Variants in PRKCI observed in about 807,000 individuals in gnomAD.
PRKCI encodes protein kinase C iota.
In PRKCI, 43 loss-of-function variants were observed where a neutral mutation model predicts 84.0. That is an observed-to-expected ratio of 0.51 (90% CI 0.40 to 0.66). The LOEUF (loss-of-function observed/expected upper bound fraction) is 0.66, where lower values mean the gene tolerates loss of function less well. Ranked by LOEUF, PRKCI falls within the 30% of genes least tolerant of loss-of-function variation. The pLI, the probability that PRKCI is intolerant of heterozygous loss-of-function variation, is 0.00. For missense variants in PRKCI, 459 were observed against 745.6 expected (o/e 0.62, Z 4.48); for synonymous variants, 216 against 234.4 (o/e 0.92, Z 0.72).
In PRKCI at chr3:170,303,021, T is replaced by C; in HGVS notation, c.1704-19T>C. On this transcript the variant is annotated intron_variant, in intron 17 of 17. Coordinates refer to ENST00000295797, the MANE Select transcript of PRKCI (RefSeq NM_002740.6). ...AAATCTTGATTATGATGAAAATAAATTTATTTTTCTTTCAACAGTGACATT... is the reference window on the plus strand; with the variant it reads ...AAATCTTGATTATGATGAAAATAAACTTATTTTTCTTTCAACAGTGACATT... The C allele has an allele frequency of 6.5e-7, 1 of 1,543,580 alleles. No homozygotes were observed. The highest frequency in any genetic ancestry group is 1.2e-5 in the South Asian group (1 of 85,690).
intron 17 of PRKCI, among the ~76,000 whole-genome samples, chr3:170,299,820 A>T (rs984950334): frequency 2.0e-5 from 3 of 152,200 alleles, no homozygotes; most frequent in African/African-American, 7.2e-5. Context: ...CCATTTGACA[A>T]GGACTGTCTT....
intron 11 of PRKCI, among the ~76,000 whole-genome samples, chr3:170,284,045 G>A (rs895160440): frequency 1.3e-5 from 2 of 151,092 alleles, no homozygotes; most frequent in South Asian, 2.1e-4. Flanking sequence ...TTCTATTCTC[G>A]ACCCCATTAG....
At chr3:170,265,072 C>G (rs1410542115) in intron 4 of PRKCI, among the ~76,000 whole-genome samples, 1 of 152,014 alleles carries the variant, frequency 6.6e-6, no homozygotes, top group African/African-American at 2.4e-5. Flanking sequence ...ACCTGTAATC[C>G]TAGCTACCTG....
At chr3:170,271,161 A>G (rs1033409683) in intron 6 of PRKCI, among the ~76,000 whole-genome samples, 2 of 152,190 alleles carry the variant, frequency 1.3e-5, no homozygotes, top group East Asian at 3.8e-4. Context: ...GTGCAAATTT[A>G]TATGCATAAA....
At position 170,256,012 on chromosome 3, in the gene PRKCI, G is replaced by A. The variant is rs373389489; in HGVS notation, c.224-3957G>A. Among the ~76,000 whole-genome samples, 78 of 152,196 alleles carry A rather than the reference G, an allele frequency of 5.1e-4. No individual in the cohort carries two copies. In the South Asian group the frequency reaches 0.016, roughly 31 times the overall value. Reference sequence around the variant, plus strand: ...GATTTGCATGTGTTGAACCATCCTTGCATCCCTGGAACAAATTCCAGTTGG... The same window carrying A: ...GATTTGCATGTGTTGAACCATCCTTACATCCCTGGAACAAATTCCAGTTGG... On this transcript the variant is annotated intron_variant, in intron 2 of 17. Coordinates refer to ENST00000295797, the MANE Select transcript of PRKCI (RefSeq NM_002740.6).
In PRKCI at chr3:170,227,573, T is replaced by C. The variant is rs544691610; in HGVS notation, c.101+4803T>C. On this transcript the variant is annotated intron_variant, in intron 1 of 17. Coordinates refer to ENST00000295797, the MANE Select transcript of PRKCI (RefSeq NM_002740.6). ...GAATAATGATGTTAGGTGGGTGTTA[T>C]AGGCATTAAACAACCACATGGTAAG... 1.8e-4 allele frequency among the ~76,000 whole-genome samples: 28 copies of C among 152,330 alleles called. 1 individual carries two copies. The South Asian group carries it at 4.6e-3, about 25-fold the overall frequency.
intron 3 of PRKCI, among the ~76,000 whole-genome samples, chr3:170,262,351 C>T (rs574123755): frequency 7.9e-5 from 12 of 151,856 alleles, no homozygotes; most frequent in African/African-American, 2.9e-4. Flanking sequence ...CAAACTTGTC[C>T]TACTATACCA....
Position 170,304,176 on chromosome 3 carries a change from A to C in PRKCI, c.*1049A>C, listed in dbSNP as rs1734897125. ...ACTGCAGTGTTAATATATACACTGC[A>C]AAAGACCAAGGATGCAGTTGAATGG... On this transcript the variant is annotated 3_prime_UTR_variant, in exon 18 of 18. Coordinates refer to ENST00000295797, the MANE Select transcript of PRKCI (RefSeq NM_002740.6). The C allele has an allele frequency of 6.6e-6, 1 of 152,234 alleles. No individual in the cohort carries two copies. Among genetic ancestry groups the C allele is most frequent in the South Asian group, 2.1e-4 (1 of 4,834 alleles). The allele number at this position is 152,234 out of a possible 1,614,324, so 9.4% of individuals were successfully genotyped here. A position where few individuals can be genotyped will look rare whatever the true frequency, so the allele number is the denominator to read the frequency against.
At chr3:170,302,526 C>T (rs1734846642) in intron 17 of PRKCI, among the ~76,000 whole-genome samples, 1 of 152,114 alleles carries the variant, frequency 6.6e-6, no homozygotes, top group Admixed American at 6.6e-5. Context: ...AGTAGAAGCC[C>T]AGTGTAACAA....
At chr3:170,270,228 T>TA (rs1410682251) in intron 5 of PRKCI, among the ~76,000 whole-genome samples, 193 bp from the exon 6 acceptor site, 2 of 152,230 alleles carry the variant, frequency 1.3e-5, no homozygotes, top group Non-Finnish European at 2.9e-5. Context: ...CTCTTTAAAA[T>TA]AAGCTCTGTT....
At chr3:170,286,026 G>A (rs1577370596) in intron 12 of PRKCI, among the ~76,000 whole-genome samples, 1 of 151,522 alleles carries the variant, frequency 6.6e-6, no homozygotes, top group East Asian at 1.9e-4. Flanking sequence ...CCAGGTTCAA[G>A]CAATTCTCCT....
At chr3:170,277,500 C>A (rs959649423) in intron 8 of PRKCI, among the ~76,000 whole-genome samples, 10 of 152,034 alleles carry the variant, frequency 6.6e-5, no homozygotes, top group Admixed American at 5.9e-4. Flanking sequence ...CCTGAGAGTT[C>A]AAGAGCAGCC....
intron 13 of PRKCI, 79 bp downstream of exon 13, chr3:170,292,020 A>T: frequency 5.2e-6 from 5 of 953,306 alleles, no homozygotes; most frequent in African/African-American, 1.6e-5. Context: ...ATTACAGTAC[A>T]CTAATGCATT....
intron 2 of PRKCI, among the ~76,000 whole-genome samples, chr3:170,241,251 G>A (rs1733123476): frequency 6.6e-6 from 1 of 152,072 alleles, no homozygotes; most frequent in Non-Finnish European, 1.5e-5. Flanking sequence ...ATTATGAATT[G>A]TAGTCACCAT....
intron 2 of PRKCI, among the ~76,000 whole-genome samples, chr3:170,250,443 C>G (rs569334388): frequency 1.9e-5 from 2 of 104,524 alleles, no homozygotes; most frequent in African/African-American, 7.2e-5. Context: ...CCCCCCCCCC[C>G]CAAAAAAAAA....
chr3:170,228,756 TAC>T (rs1732705702), intron 1 of PRKCI, among the ~76,000 whole-genome samples: 2 of 152,166 alleles, frequency 1.3e-5, no homozygotes, highest in South Asian at 4.1e-4. Flanking sequence ...CTTTCTTTCT[TAC>T]ATGTTTGTAT....
intron 13 of PRKCI, 104 bp downstream of exon 13, chr3:170,292,045 T>C (rs1734565581): frequency 6.2e-6 from 5 of 807,806 alleles, no homozygotes; most frequent in South Asian, 3.0e-5. Flanking sequence ...CGTGATCTTA[T>C]TAATATAAGG....
intron 1 of PRKCI, among the ~76,000 whole-genome samples, chr3:170,223,286 C>G (rs981264351): frequency 6.6e-6 from 1 of 152,222 alleles, no homozygotes; most frequent in Non-Finnish European, 1.5e-5. Flanking sequence ...ATCTGCACTG[C>G]CAGTATATTA....
At chr3:170,302,407 C>T (rs2108869691) in intron 17 of PRKCI, among the ~76,000 whole-genome samples, 1 of 152,272 alleles carries the variant, frequency 6.6e-6, no homozygotes, top group African/African-American at 2.4e-5. Flanking sequence ...TAGGAATTAC[C>T]TCCCTTCCTT....
Sources: gnomAD v4.1 joint callset for allele counts (sites outside exome capture counted in the v4.1 genomes callset) on GRCh38, gnomAD v4.1.1 for gene constraint, MANE v1.5 for transcripts, NCBI Gene and HGNC (gene_info 2026-07-23, HGNC 2026-07-21) for gene names.